The following SCAPER variants were observed in gnomAD, a reference collection of about 807,000 sequenced individuals.
SCAPER encodes S-phase cyclin A associated protein in the ER.
Under a neutral mutation model 182.2 loss-of-function variants are expected in SCAPER, and 98 were observed. The observed-to-expected ratio is 0.54, with a 90% CI of 0.46 to 0.64. The LOEUF is 0.64. SCAPER is among the 30% of genes least tolerant of loss of function. SCAPER has a pLI of 0.00. For missense variants in SCAPER, 1,432 were observed against 1,690.0 expected, an observed-to-expected ratio of 0.85 and a Z score of 2.68; for synonymous variants, 605 against 564.6, an observed-to-expected ratio of 1.07 and a Z score of -1.01.
chr15:76,456,694 G>A (rs1228130064), intron 25 of SCAPER, among the ~76,000 whole-genome samples: 4 of 152,146 alleles, frequency 2.6e-5, no homozygotes, highest in Non-Finnish European at 5.9e-5. Flanking sequence ...AAAGAGGTCT[G>A]TTAAAATATC....
At chr15:76,449,881 T>C (rs1334994336) in intron 25 of SCAPER, among the ~76,000 whole-genome samples, 1 of 152,254 alleles carries the variant, frequency 6.6e-6, no homozygotes, top group Non-Finnish European at 1.5e-5. Context: ...CACTTTGTTT[T>C]TAACATCCAT....
intron 27 of SCAPER, among the ~76,000 whole-genome samples, chr15:76,401,372 G>A (rs1382523420): frequency 6.6e-6 from 1 of 151,706 alleles, no homozygotes; most frequent in Non-Finnish European, 1.5e-5. Flanking sequence ...CTACTCCCTC[G>A]TAATGTATTT....
intron 8 of SCAPER, among the ~76,000 whole-genome samples, chr15:76,778,265 A>T (rs2063865515): frequency 1.3e-5 from 2 of 152,172 alleles, no homozygotes; most frequent in Non-Finnish European, 2.9e-5. Context: ...ATTATATTTT[A>T]AAAATGGAGA....
At chr15:76,589,187 G>A (rs546825636) in intron 22 of SCAPER, among the ~76,000 whole-genome samples, 15 of 152,272 alleles carry the variant, frequency 9.9e-5, no homozygotes, top group African/African-American at 3.1e-4. Context: ...GTTTTGTGTT[G>A]TTTGGTCTCC....
rs1189620194 is a variant in SCAPER, at chr15:76,434,306, TA to T, written c.3082del (p.Tyr1028MetfsTer22). 6.3e-7 allele frequency: 1 copy of T among 1,598,680 alleles called. No homozygotes were observed. The highest frequency in any genetic ancestry group is 1.3e-5 in the African/African-American group (1 of 74,104). On this transcript the variant is annotated frameshift_variant, in exon 26 of 32. Coordinates refer to ENST00000563290, the MANE Select transcript of SCAPER (RefSeq NM_020843.4). LOFTEE classifies it high-confidence loss of function. ...AATAGTATTATTTTCATCTGGAACA[TA>T]AACCTAGATGAAAAAAAAGTACAGT... ...MDLLIHQLTV[Y>X]VPDENNTILG...
intron 22 of SCAPER, among the ~76,000 whole-genome samples, chr15:76,595,025 A>G (rs1375167287): frequency 8.2e-6 from 1 of 121,700 alleles, no homozygotes; most frequent in African/African-American, 2.5e-5. Flanking sequence ...TAGAAGACAC[A>G]GACTGGCAAA....
intron 21 of SCAPER, among the ~76,000 whole-genome samples, chr15:76,626,484 A>G (rs2052583968): frequency 6.6e-6 from 1 of 152,218 alleles, no homozygotes; most frequent in Non-Finnish European, 1.5e-5. Context: ...TGAGAGGCTG[A>G]GGCGGGTGGA....
intron 22 of SCAPER, among the ~76,000 whole-genome samples, chr15:76,608,211 CTGTT>C (rs2050633964): frequency 6.6e-6 from 1 of 152,008 alleles, no homozygotes; most frequent in African/African-American, 2.4e-5. Context: ...GATGTTCTTT[CTGTT>C]TGTTAGTTTT....
chr15:76,405,282 T>G (rs973672688), intron 26 of SCAPER, among the ~76,000 whole-genome samples: 2 of 148,746 alleles, frequency 1.3e-5, no homozygotes, highest in African/African-American at 2.5e-5. Flanking sequence ...TGCAGTTAAT[T>G]TTTTTTTTTT....
At chr15:76,418,262 C>T (rs1567096233) in intron 26 of SCAPER, among the ~76,000 whole-genome samples, 1 of 152,198 alleles carries the variant, frequency 6.6e-6, no homozygotes, top group Non-Finnish European at 1.5e-5. Flanking sequence ...GGCATCCTGC[C>T]TCTGCCACAC....
intron 26 of SCAPER, among the ~76,000 whole-genome samples, chr15:76,424,049 C>G (rs2046243869): frequency 6.6e-6 from 1 of 152,110 alleles, no homozygotes. Flanking sequence ...ACTATGTGGT[C>G]AATTTTGGAA....
chr15:76,788,304 C>A (rs75719055), intron 8 of SCAPER, among the ~76,000 whole-genome samples: 2,365 of 152,146 alleles, frequency 0.016, 64 homozygotes, highest in African/African-American at 0.055. Flanking sequence ...TACTAAAAAC[C>A]AATGAACTAT....
In SCAPER at chr15:76,709,219, C is replaced by T. The variant is rs529472382; in HGVS notation, c.2166-3235G>A. Among the ~76,000 whole-genome samples, 420 of 152,266 alleles carry T rather than the reference C, an allele frequency of 2.8e-3. 3 individuals are homozygous for T. The highest frequency in any genetic ancestry group is 0.015 in the South Asian group (74 of 4,820). ...CAATCTCGACTCACTGCAACCTCCACCTCCAGGGTTCAAGCGATTCTCCTG... is the reference window on the plus strand; with the variant it reads ...CAATCTCGACTCACTGCAACCTCCATCTCCAGGGTTCAAGCGATTCTCCTG... On this transcript the variant is annotated intron_variant, in intron 17 of 31. Transcript: ENST00000563290.
At chr15:76,844,950 C>T (rs149412693) in intron 4 of SCAPER, among the ~76,000 whole-genome samples, 7 of 151,914 alleles carry the variant, frequency 4.6e-5, no homozygotes, top group Non-Finnish European at 4.4e-5. Flanking sequence ...TGAACATTGA[C>T]GCAAAAATCT....
At chr15:76,636,065 T>C (rs1178296568) in intron 21 of SCAPER, among the ~76,000 whole-genome samples, 1 of 152,226 alleles carries the variant, frequency 6.6e-6, no homozygotes, top group Non-Finnish European at 1.5e-5. Context: ...TATGCTGATT[T>C]TGTAAAATGA....
At chr15:76,625,558 T>C (rs892143969) in intron 21 of SCAPER, among the ~76,000 whole-genome samples, 2 of 152,032 alleles carry the variant, frequency 1.3e-5, no homozygotes, top group Admixed American at 1.3e-4. Context: ...GTTTGAGTTA[T>C]GGAAATGCAG....
At chr15:76,486,261 T>G (rs283788) in intron 24 of SCAPER, among the ~76,000 whole-genome samples, 1 of 152,130 alleles carries the variant, frequency 6.6e-6, no homozygotes, top group Non-Finnish European at 1.5e-5. Flanking sequence ...TATAAAGAAC[T>G]CTGGAAGACA....
At chr15:76,387,968 A>G (rs1024894259) in intron 27 of SCAPER, among the ~76,000 whole-genome samples, 3 of 152,202 alleles carry the variant, frequency 2.0e-5, no homozygotes, top group East Asian at 1.9e-4. Context: ...ACCAAAGAAT[A>G]TAAGTCAATT....
At chr15:76,809,378 T>C (rs767163098) in intron 5 of SCAPER, among the ~76,000 whole-genome samples, 7 of 151,998 alleles carry the variant, frequency 4.6e-5, no homozygotes, top group Non-Finnish European at 1.0e-4. Context: ...GAGTAATGCA[T>C]AAAACTAGCT....
Sources: allele counts gnomAD v4.1 joint callset (sites outside exome capture counted in the v4.1 genomes callset), GRCh38; gene constraint gnomAD v4.1.1; transcripts MANE v1.5; gene names NCBI Gene and HGNC (gene_info 2026-07-23, HGNC 2026-07-21).